Variants in P2RY8 observed in about 807,000 individuals in gnomAD.
P2RY8 encodes P2Y receptor family member 8.
P2RY8 carries 6 observed loss-of-function variants against 10.0 expected under a neutral mutation model. The ratio of observed to expected loss-of-function variants is 0.60; its 90% CI spans 0.33 to 1.19. The LOEUF (loss-of-function observed/expected upper bound fraction) is 1.19, where lower values mean the gene tolerates loss of function less well. P2RY8 is among the 50% of genes most tolerant of loss of function. The pLI, the probability that P2RY8 is intolerant of heterozygous loss-of-function variation, is 0.04. For missense variants in P2RY8, 456 were observed against 542.0 expected (o/e 0.84, Z 1.58); for synonymous variants, 276 against 252.5 (o/e 1.09, Z -0.88).
At chrX:1,467,298 A>C (rs1423869662) in intron 1 of P2RY8, among the ~76,000 whole-genome samples, 3 of 152,028 alleles carry the variant, frequency 2.0e-5, no homozygotes, top group Non-Finnish European at 4.4e-5. Context: ...TCCAGAGGAG[A>C]CCTGCGACTT....
At chrX:1,496,612 G>T (rs1241098817) in intron 1 of P2RY8, among the ~76,000 whole-genome samples, 1 of 151,980 alleles carries the variant, frequency 6.6e-6, no homozygotes, top group Non-Finnish European at 1.5e-5. Context: ...CATTCAGTCA[G>T]CCGCGGCTTC....
chrX:1,506,808 CCTGGGATTA>C (rs1443248089), intron 1 of P2RY8, among the ~76,000 whole-genome samples: 1 of 151,610 alleles, frequency 6.6e-6, no homozygotes, highest in African/African-American at 2.4e-5. Flanking sequence ...CTCCCGAGTA[CCTGGGATTA>C]CAGGCACCCG....
At position 1,474,452 on chromosome X, in the gene P2RY8, T is replaced by A. The variant is rs182525690; in HGVS notation, c.-24-7870A>T. On this transcript the variant is annotated intron_variant, in intron 1 of 1. Transcript: ENST00000381297. ...ATGGATGGGTGGATAGATGGATGAG[T>A]GGGAGGATGGGTGAATGGATGTATG... Among the ~76,000 whole-genome samples the A allele has an allele frequency of 2.0e-3, 213 of 108,640 alleles. 14 individuals are homozygous for A. The highest frequency in any genetic ancestry group is 5.9e-3 in the African/African-American group (204 of 34,614). The allele number at this position is 108,640 out of a possible 152,430, so 71.3% of individuals were successfully genotyped here. A position where few individuals can be genotyped will look rare whatever the true frequency, so the allele number is the denominator to read the frequency against.
chrX:1,498,268 T>C (rs1225108687), intron 1 of P2RY8, among the ~76,000 whole-genome samples: 5 of 151,214 alleles, frequency 3.3e-5, no homozygotes, highest in South Asian at 2.1e-4. Context: ...TAGCCGGGTG[T>C]GGTGGCGGGT....
intron 1 of P2RY8, among the ~76,000 whole-genome samples, chrX:1,513,316 T>C (rs2092314083): frequency 1.3e-5 from 2 of 152,066 alleles, no homozygotes; most frequent in African/African-American, 2.4e-5. Flanking sequence ...TTGTAAATAG[T>C]GCTGCAATAA....
Position 1,466,442 on chromosome X carries a change from CG to C in P2RY8, c.116del (p.Pro39ArgfsTer24). ...VYSLVAAVSIPGNLFSLWVLC... is the reference protein window; with the variant it reads ...VYSLVAAVSIXGNLFSLWVLC... Reference sequence around the variant, plus strand: ...GCACCCACAGAGAGAAGAGGTTGCCCGGGATGCTGACCGCCGCCACCAGCGA... The same window carrying C: ...GCACCCACAGAGAGAAGAGGTTGCCCGGATGCTGACCGCCGCCACCAGCGA... On this transcript the variant is annotated frameshift_variant, in exon 2 of 2. Coordinates refer to ENST00000381297, the MANE Select transcript of P2RY8 (RefSeq NM_178129.5). LOFTEE classifies it high-confidence loss of function. 1.2e-6 allele frequency: 2 copies of C among 1,612,676 alleles called. No individual in the cohort carries two copies. The highest frequency in any genetic ancestry group is 1.7e-6 in the Non-Finnish European group (2 of 1,179,814).
At chrX:1,495,332 T>C (rs1442189035) in intron 1 of P2RY8, among the ~76,000 whole-genome samples, 1 of 152,164 alleles carries the variant, frequency 6.6e-6, no homozygotes, top group African/African-American at 2.4e-5. Flanking sequence ...TGTGGCTGTA[T>C]TTGGAGGTTA....
chrX:1,483,294 C>A (rs28666020), intron 1 of P2RY8, among the ~76,000 whole-genome samples: 3 of 151,848 alleles, frequency 2.0e-5, no homozygotes, highest in Admixed American at 6.6e-5. Context: ...TGTTCCTGCC[C>A]GAAGTCAAAG....
Position 1,463,284 on chromosome X carries a change from C to A in P2RY8, c.*2195G>T, listed in dbSNP as rs1270332092. The A allele has an allele frequency of 4.3e-6, 1 of 232,948 alleles. No individual in the cohort carries two copies. The highest frequency in any genetic ancestry group is 2.2e-5 in the African/African-American group (1 of 45,294). 14.4% of individuals were successfully genotyped at this position (232,948 alleles called of 1,614,324 possible). On this transcript the variant is annotated 3_prime_UTR_variant, in exon 2 of 2. Coordinates refer to ENST00000381297, the MANE Select transcript of P2RY8 (RefSeq NM_178129.5). ...TGCTTTCTAGGGTTCAGCTTTGGAA[C>A]AGTCTAGAGAAGCAGGAGGTTAATT...
chrX:1,511,350 T>C (rs1187720084), intron 1 of P2RY8, among the ~76,000 whole-genome samples: 5 of 152,184 alleles, frequency 3.3e-5, no homozygotes, highest in Non-Finnish European at 5.9e-5. Flanking sequence ...TCATAGCTCC[T>C]CCTGTAACCT....
chrX:1,498,323 G>A (rs369283339), intron 1 of P2RY8, among the ~76,000 whole-genome samples: 1 of 147,062 alleles, frequency 6.8e-6, no homozygotes, highest in East Asian at 2.1e-4. Context: ...GGAGAATGGC[G>A]TGAACCTGGG....
intron 1 of P2RY8, among the ~76,000 whole-genome samples, chrX:1,532,913 G>C (rs1295471508): frequency 6.8e-6 from 1 of 146,906 alleles, no homozygotes; most frequent in Non-Finnish European, 1.5e-5. Context: ...TGAGGCAGGA[G>C]AATCGCTTGA....
At chrX:1,481,963 C>A (rs1332273792) in intron 1 of P2RY8, among the ~76,000 whole-genome samples, 1 of 152,154 alleles carries the variant, frequency 6.6e-6, no homozygotes, top group African/African-American at 2.4e-5. Context: ...GTTTGCCCAG[C>A]GAGATTTGCA....
intron 1 of P2RY8, among the ~76,000 whole-genome samples, chrX:1,518,533 C>T (rs1569538512): frequency 6.6e-6 from 1 of 151,270 alleles, no homozygotes; most frequent in Non-Finnish European, 1.5e-5. Flanking sequence ...CCCAAAAGCT[C>T]CCTAGTCCCC....
chrX:1,494,601 T>G (rs1436597283), intron 1 of P2RY8, among the ~76,000 whole-genome samples: 1 of 152,190 alleles, frequency 6.6e-6, no homozygotes, highest in Non-Finnish European at 1.5e-5. Flanking sequence ...TAGTTTAGGA[T>G]TAGAAAATGG....
intron 1 of P2RY8, among the ~76,000 whole-genome samples, chrX:1,529,555 C>A (rs2092459646): frequency 6.6e-6 from 1 of 151,904 alleles, no homozygotes; most frequent in Non-Finnish European, 1.5e-5. Flanking sequence ...CAGTGCCCTG[C>A]AGTGCACAGG....
intron 1 of P2RY8, among the ~76,000 whole-genome samples, chrX:1,477,923 T>C (rs1190521115): frequency 1.3e-5 from 2 of 152,170 alleles, no homozygotes; most frequent in African/African-American, 2.4e-5. Flanking sequence ...GGTCTCATCA[T>C]GGTTAGTGAC....
intron 1 of P2RY8, among the ~76,000 whole-genome samples, chrX:1,495,458 G>A (rs1362677931): frequency 2.0e-5 from 3 of 152,014 alleles, no homozygotes; most frequent in Non-Finnish European, 4.4e-5. Context: ...ACAGAGGGAC[G>A]ACACTGTGAG....
At chrX:1,475,176 T>A (rs761836363) in intron 1 of P2RY8, among the ~76,000 whole-genome samples, 1 of 147,836 alleles carries the variant, frequency 6.8e-6, no homozygotes, top group Non-Finnish European at 1.5e-5. Flanking sequence ...GATGAATGGA[T>A]GGGTTGATGG....
Sources: allele counts gnomAD v4.1 joint callset (sites outside exome capture counted in the v4.1 genomes callset), GRCh38; gene constraint gnomAD v4.1.1; transcripts MANE v1.5; gene names NCBI Gene and HGNC (gene_info 2026-07-23, HGNC 2026-07-21).